ANKDD1A: variants seen among roughly 807,000 people sequenced by gnomAD.
The protein encoded by ANKDD1A is ankyrin repeat and death domain-containing protein 1A.
In ANKDD1A, 59 loss-of-function variants were observed where a neutral mutation model predicts 63.5. The observed-to-expected ratio is 0.93, with a 90% CI of 0.75 to 1.15. The LOEUF is 1.15. ANKDD1A is among the 50% of genes most tolerant of loss of function. The pLI, the probability that ANKDD1A is intolerant of heterozygous loss-of-function variation, is 0.00. For synonymous variants in ANKDD1A, 266 were observed against 263.9 expected (o/e 1.01, Z -0.08); for missense variants, 632 against 656.4 (o/e 0.96, Z 0.41).
At position 64,937,596 on chromosome 15, in the gene ANKDD1A, C is replaced by T. The variant is rs186549468; in HGVS notation, c.867+3362C>T. On this transcript the variant is annotated intron_variant, in intron 9 of 14. Transcript: ENST00000319580. ...ACAAAAAATTAGCCAGGTGTGGTGG[C>T]ACACGCCTGTAGTCCCAGCTATTCA... is the stretch of plus-strand genomic sequence containing the variant. Among the ~76,000 whole-genome samples, 439 of 152,134 alleles carry T rather than the reference C, an allele frequency of 2.9e-3. 2 individuals carry two copies. Among genetic ancestry groups the T allele is most frequent in the African/African-American group, 8.5e-3 (351 of 41,500 alleles).
chr15:64,923,195 G>A (rs2085020634), intron 4 of ANKDD1A, among the ~76,000 whole-genome samples: 1 of 152,074 alleles, frequency 6.6e-6, no homozygotes, highest in African/African-American at 2.4e-5. Context: ...GATGTGATAT[G>A]TGTGAGGTGT....
At chr15:64,919,143 G>A (rs1202862705) in intron 3 of ANKDD1A, among the ~76,000 whole-genome samples, 1 of 152,168 alleles carries the variant, frequency 6.6e-6, no homozygotes, top group Non-Finnish European at 1.5e-5. Flanking sequence ...CAGTTCCTAG[G>A]AACTATGTAT....
intron 11 of ANKDD1A, chr15:64,943,824 T>G: frequency 1.9e-6 from 1 of 531,710 alleles, no homozygotes; most frequent in Non-Finnish European, 3.4e-6. Context: ...TGTGAAATGA[T>G]TGCTTTCTCC....
At position 64,942,961 on chromosome 15, in the gene ANKDD1A, T is replaced by G. The variant is rs75067533; in HGVS notation, c.966+396T>G. ...GCCCTTTTAAATCCTGTCCCCACAA[T>G]CTACCCACCAACCATATAATTCTCA... On this transcript the variant is annotated intron_variant, in intron 10 of 14. Transcript: ENST00000319580. 9.5e-3 allele frequency among the ~76,000 whole-genome samples: 1,452 copies of G among 152,296 alleles called. 10 individuals are homozygous for G. Among genetic ancestry groups the G allele is most frequent in the Non-Finnish European group, 0.016 (1,056 of 68,022 alleles).
chr15:64,956,781 G>C (rs2085420864), intron 14 of ANKDD1A, among the ~76,000 whole-genome samples: 1 of 152,120 alleles, frequency 6.6e-6, no homozygotes, highest in South Asian at 2.1e-4. Context: ...TTGAACTCCT[G>C]ACCTAAGGTG....
At chr15:64,947,337 G>A (rs368257125) in intron 12 of ANKDD1A, 67 bp from the exon 13 acceptor site, 13 of 1,537,994 alleles carry the variant, frequency 8.5e-6, no homozygotes, top group African/African-American at 6.8e-5. Context: ...TAGGGGCCTC[G>A]GCTCGGCACT....
intron 9 of ANKDD1A, among the ~76,000 whole-genome samples, chr15:64,940,396 A>G (rs567391055): frequency 0.031 from 3,352 of 109,400 alleles, 71 homozygotes; most frequent in African/African-American, 0.064. Flanking sequence ...AGGATGATTG[A>G]TAGATAGATA....
At position 64,915,892 on chromosome 15, in the gene ANKDD1A, A is replaced by G; in HGVS notation, c.130A>G (p.Arg44Gly). 2.5e-6 allele frequency: 4 copies of G among 1,613,644 alleles called. No homozygotes were observed. The highest frequency in any genetic ancestry group is 2.5e-6 in the Non-Finnish European group (3 of 1,179,732). The change falls in exon 2 of 15, where the codon AGA becomes GGA. Residue 44 changes from arginine (R) to glycine (G), a missense_variant. Physicochemically the swap from Arg to Gly is moderately radical, Grantham distance 125. Transcript: ENST00000319580. Reference sequence around the variant, plus strand: ...TGGGAGGAGGGTTAACACCAGGGCCAGAAACCACGTGCGTAATGAGCTTCT... The same window carrying G: ...TGGGAGGAGGGTTAACACCAGGGCCGGAAACCACGTGCGTAATGAGCTTCT... ...LIGRRVNTRA[R>G]NHVGRVALHW...
At chr15:64,917,141 A>G (rs1225594059) in intron 2 of ANKDD1A, among the ~76,000 whole-genome samples, 1 of 152,214 alleles carries the variant, frequency 6.6e-6, no homozygotes. Context: ...CCTGAGAGCC[A>G]TGAGAAACTG....
At chr15:64,937,907 A>G (rs531316087) in intron 9 of ANKDD1A, among the ~76,000 whole-genome samples, 86 of 152,222 alleles carry the variant, frequency 5.6e-4, no homozygotes, top group African/African-American at 2.1e-3. Context: ...AGGAAATACT[A>G]ATACATAGGG....
chr15:64,943,861 TCCTGA>T, intron 11 of ANKDD1A: 1 of 443,874 alleles, frequency 2.3e-6, no homozygotes, highest in Non-Finnish European at 4.2e-6. Context: ...GACTGTGACC[TCCTGA>T]GTCACCTGGT....
chr15:64,944,838 A>G (rs1302923683), intron 12 of ANKDD1A, 91 bp downstream of exon 12: 2 of 1,267,410 alleles, frequency 1.6e-6, no homozygotes, highest in Non-Finnish European at 2.2e-6. Flanking sequence ...GGCCTGACCA[A>G]TTCTGGGTCC....
Position 64,915,855 on chromosome 15 carries a change from G to A in ANKDD1A, c.93G>A (p.Met31Ile), listed in dbSNP as rs2084964778. 3 of 1,614,074 alleles carry A rather than the reference G, an allele frequency of 1.9e-6. No individual in the cohort carries two copies. The highest frequency in any genetic ancestry group is 2.5e-6 in the Non-Finnish European group (3 of 1,179,968). ...CCCGCCAGAACAATGTCGGCAGGAT[G>A]CAGGAGCTGATTGGGAGGAGGGTTA... ...EAARQNNVGR[M>I]QELIGRRVNT... is the part of the protein sequence containing the mutation. Residue 31 changes from methionine to isoleucine, a missense_variant, in exon 2 of 15, where the codon ATG becomes ATA. By Grantham distance (10) the Met-to-Ile change is conservative (BLOSUM62 1). Transcript: ENST00000319580.
chr15:64,954,747 C>CTTCT (rs1203858212), intron 14 of ANKDD1A, among the ~76,000 whole-genome samples: 1 of 118,900 alleles, frequency 8.4e-6, no homozygotes, highest in African/African-American at 2.9e-5. Context: ...CCTTCTCCTT[C>CTTCT]TTCTTTCTTT....
intron 3 of ANKDD1A, 119 bp downstream of exon 3, chr15:64,917,633 G>A: frequency 2.1e-6 from 3 of 1,434,970 alleles, no homozygotes; most frequent in Middle Eastern, 2.4e-4. Flanking sequence ...GCAGAGTGGT[G>A]GGGAGTCAGA....
At chr15:64,951,740 T>C (rs1304447916) in intron 14 of ANKDD1A, among the ~76,000 whole-genome samples, 8 of 94,570 alleles carry the variant, frequency 8.5e-5, no homozygotes, top group South Asian at 4.4e-4. Flanking sequence ...CTTTCCTCCT[T>C]CTTCCTCTTC....
At chr15:64,942,591 G>A (rs887367959) in intron 10 of ANKDD1A, 26 bp downstream of exon 10, 2 of 1,588,896 alleles carry the variant, frequency 1.3e-6, no homozygotes, top group East Asian at 4.6e-5. Flanking sequence ...GACCTTCCGG[G>A]CCCCAGGGAG....
At chr15:64,921,788 C>G (rs2085008237) in intron 3 of ANKDD1A, 133 bp from the exon 4 acceptor site, 1 of 689,240 alleles carries the variant, frequency 1.5e-6, no homozygotes, top group African/African-American at 1.8e-5. Flanking sequence ...ACTCCTAAAG[C>G]TTGGAGCTCC....
At chr15:64,926,656 A>G (rs1267009413) in intron 5 of ANKDD1A, among the ~76,000 whole-genome samples, 3 of 152,128 alleles carry the variant, frequency 2.0e-5, no homozygotes, top group African/African-American at 7.2e-5. Context: ...CTGTTTATTC[A>G]TTAGGCAGCA....
Sources: gnomAD v4.1 joint callset for allele counts (sites outside exome capture counted in the v4.1 genomes callset) on GRCh38, gnomAD v4.1.1 for gene constraint, MANE v1.5 for transcripts, NCBI Gene and HGNC (gene_info 2026-07-23, HGNC 2026-07-21) for gene names.